Variants in USP45 observed in about 807,000 individuals in gnomAD.
The protein encoded by USP45 is ubiquitin specific peptidase 45.
In USP45, 89 loss-of-function variants were observed where a neutral mutation model predicts 95.8. The ratio of observed to expected loss-of-function variants is 0.93; its 90% CI spans 0.78 to 1.11. The LOEUF is 1.11. Among genes scored for constraint, USP45 ranks in the 50% least tolerant of loss-of-function variants. The pLI is 0.00. For missense variants in USP45, 898 were observed against 942.5 expected, an observed-to-expected ratio of 0.95 and a Z score of 0.62; for synonymous variants, 281 against 316.2, an observed-to-expected ratio of 0.89 and a Z score of 1.18.
chr6:99,450,846 G>A (rs2128570496), intron 13 of USP45, among the ~76,000 whole-genome samples: 1 of 152,036 alleles, frequency 6.6e-6, no homozygotes, highest in East Asian at 1.9e-4. Context: ...ATGATCAAGT[G>A]GGCTTCATCC....
intron 9 of USP45, among the ~76,000 whole-genome samples, chr6:99,473,029 T>C (rs1288148748): frequency 1.2e-5 from 1 of 86,680 alleles, no homozygotes; most frequent in Admixed American, 1.5e-4. Context: ...ATAAATCTCT[T>C]TTTTTTTTTC....
At chr6:99,515,565 T>G (rs1801021559), upstream of USP45, 1 of 152,200 alleles carries the variant, frequency 6.6e-6, no homozygotes, top group African/African-American at 2.4e-5. Context: ...CGGGGCCGGC[T>G]TGCGTGGCGC....
rs143913725 is a variant in USP45, at chr6:99,464,682, A to C, written c.1230T>G (p.Asp410Glu). 16 of 1,613,128 alleles carry C rather than the reference A, an allele frequency of 9.9e-6. No homozygotes were observed. The East Asian group carries it at 1.1e-4, about 11-fold the overall frequency. ...KYRSLRETDH[D>E]RYSGNVTIEN... ...CTATAGTAACATTGCCACTGTATCG[A>C]TCATGATCTGTCTCCCGTAAACTTC... The change falls in exon 13 of 18, where the codon GAT (aspartate) becomes GAG (glutamate). Residue 410 changes from aspartate (D) to glutamate (E), a missense_variant. Transcript: ENST00000500704.
intron 17 of USP45, 95 bp downstream of exon 17, chr6:99,437,151 C>T (rs1780644723): frequency 2.4e-6 from 3 of 1,263,740 alleles, no homozygotes; most frequent in Non-Finnish European, 3.3e-6. Flanking sequence ...AGCAAATCCA[C>T]TAGAGGCATC....
At chr6:99,447,183 A>C (rs1782723389) in intron 13 of USP45, among the ~76,000 whole-genome samples, 1 of 152,152 alleles carries the variant, frequency 6.6e-6, no homozygotes, top group Non-Finnish European at 1.5e-5. Flanking sequence ...AAATAACCTA[A>C]GTTTGGGAAG....
At chr6:99,464,446 A>G (rs1787377929) in intron 13 of USP45, among the ~76,000 whole-genome samples, 158 bp downstream of exon 13, 1 of 152,192 alleles carries the variant, frequency 6.6e-6, no homozygotes, top group South Asian at 2.1e-4. Context: ...TGTGGGATAT[A>G]TATAGTTAGT....
upstream of USP45, among the ~76,000 whole-genome samples, chr6:99,516,093 G>A (rs1352072644): frequency 1.6e-5 from 2 of 126,162 alleles, no homozygotes; most frequent in Non-Finnish European, 3.3e-5. Context: ...CCACACCCCC[G>A]CCGCCCCCTG....
chr6:99,436,780 G>T (rs1268616711), intron 17 of USP45, among the ~76,000 whole-genome samples: 1 of 151,966 alleles, frequency 6.6e-6, no homozygotes, highest in Admixed American at 6.6e-5. Context: ...GATTTTCTAG[G>T]CACTCCTAGA....
intron 5 of USP45, among the ~76,000 whole-genome samples, chr6:99,495,285 G>A (rs887719792): frequency 6.6e-6 from 1 of 152,138 alleles, no homozygotes; most frequent in Non-Finnish European, 1.5e-5. Flanking sequence ...GGAGAAAATT[G>A]AAAACAACCA....
In USP45 at chr6:99,434,076, TTAAAGA is replaced by T. The variant is rs933091352; in HGVS notation, c.*1634_*1639del. On this transcript the variant is annotated 3_prime_UTR_variant, in exon 18 of 18. Transcript: ENST00000500704. ...ACACAGCCTGACTTTGCAGATTAAC[TTAAAGA>T]TATATTTCTTGATTATTTCACTGTT... is the stretch of plus-strand genomic sequence containing the variant. 2 of 152,210 alleles carry T rather than the reference TTAAAGA, an allele frequency of 1.3e-5. No individual in the cohort carries two copies. Among genetic ancestry groups the T allele is most frequent in the African/African-American group, 4.8e-5 (2 of 41,466 alleles). 9.4% of individuals were successfully genotyped at this position (152,210 alleles called of 1,614,324 possible). A position where few individuals can be genotyped will look rare whatever the true frequency, so the allele number is the denominator to read the frequency against.
intron 15 of USP45, among the ~76,000 whole-genome samples, chr6:99,441,261 G>A (rs967343521): frequency 6.6e-6 from 1 of 152,150 alleles, no homozygotes; most frequent in Non-Finnish European, 1.5e-5. Context: ...GCCGGGCACG[G>A]TGGCTCATGC....
intron 2 of USP45, 37 bp from the exon 3 acceptor site, chr6:99,508,819 G>C: frequency 6.4e-7 from 1 of 1,563,142 alleles, no homozygotes; most frequent in South Asian, 1.2e-5. Context: ...CATTTTCTTT[G>C]CTACACCAAA....
intron 5 of USP45, among the ~76,000 whole-genome samples, chr6:99,499,465 G>C: frequency 6.6e-6 from 1 of 152,054 alleles, no homozygotes; most frequent in South Asian, 2.1e-4. Context: ...GCACAATATG[G>C]CAAACTATTA....
intron 8 of USP45, among the ~76,000 whole-genome samples, chr6:99,480,503 C>T (rs2128698682): frequency 6.6e-6 from 1 of 152,184 alleles, no homozygotes; most frequent in East Asian, 1.9e-4. Context: ...TGGAGAAACC[C>T]CATCTCTAGT....
intron 15 of USP45, among the ~76,000 whole-genome samples, chr6:99,440,264 T>C (rs1267444334): frequency 6.6e-6 from 1 of 152,206 alleles, no homozygotes; most frequent in African/African-American, 2.4e-5. Flanking sequence ...AGGATGAGAT[T>C]AGGTCCTTTT....
At position 99,465,074 on chromosome 6, in the gene USP45, C is replaced by T; in HGVS notation, c.1164+6G>A. 6.3e-7 allele frequency: 1 copy of T among 1,589,660 alleles called. No homozygotes were observed. The highest frequency in any genetic ancestry group is 8.6e-7 in the Non-Finnish European group (1 of 1,165,536). On this transcript the variant is annotated splice_donor_region_variant and intron_variant, in intron 12 of 17. Transcript: ENST00000500704. Reference sequence around the variant, plus strand: ...AAAGCTTCATCATTAGTTTTCTTCTCCTTACCCTTTCTTCTATTATAGGAA... The same window carrying T: ...AAAGCTTCATCATTAGTTTTCTTCTTCTTACCCTTTCTTCTATTATAGGAA...
chr6:99,509,292 A>T (rs1298478120), intron 2 of USP45, among the ~76,000 whole-genome samples: 1 of 152,176 alleles, frequency 6.6e-6, no homozygotes, highest in Non-Finnish European at 1.5e-5. Context: ...CCCTTCACTG[A>T]GCCTCCCCTG....
At chr6:99,493,261 G>C (rs1443298943) in intron 5 of USP45, among the ~76,000 whole-genome samples, 1 of 151,942 alleles carries the variant, frequency 6.6e-6, no homozygotes, top group East Asian at 1.9e-4. Flanking sequence ...CCTGACTTCA[G>C]GTGATCCACC....
chr6:99,492,274 C>T (rs1021793656), intron 5 of USP45, among the ~76,000 whole-genome samples: 1 of 152,204 alleles, frequency 6.6e-6, no homozygotes, highest in Non-Finnish European at 1.5e-5. Flanking sequence ...TGATGCTTTT[C>T]AGCACCACCT....
Sources: allele counts gnomAD v4.1 joint callset (sites outside exome capture counted in the v4.1 genomes callset), GRCh38; gene constraint gnomAD v4.1.1; transcripts MANE v1.5; gene names NCBI Gene and HGNC (gene_info 2026-07-23, HGNC 2026-07-21).